The following OXR1 variants were observed in gnomAD, a reference collection of about 807,000 sequenced individuals.
OXR1 encodes the protein oxidation resistance protein 1.
A neutral mutation model predicts 104.6 loss-of-function variants in OXR1; 41 were observed. The observed-to-expected ratio is 0.39, with a 90% CI of 0.31 to 0.51. The LOEUF (loss-of-function observed/expected upper bound fraction) is 0.51. OXR1 is among the 20% of genes least tolerant of loss of function. OXR1 has a pLI of 0.77. For missense variants in OXR1, 955 were observed against 1,031.9 expected (o/e 0.93, Z 1.02); for synonymous variants, 348 against 348.4 (o/e 1.00, Z 0.01).
At chr8:106,562,363 G>A (rs1373032171) in intron 3 of OXR1, among the ~76,000 whole-genome samples, 1 of 151,952 alleles carries the variant, frequency 6.6e-6, no homozygotes, top group East Asian at 1.9e-4. Context: ...GCTGAAGAAA[G>A]GATATCAGAG....
Position 106,751,129 on chromosome 8 carries a change from T to C in OXR1, c.*188T>C, listed in dbSNP as rs1473066370. 1.2e-5 allele frequency: 6 copies of C among 480,332 alleles called. No homozygotes were observed. The highest frequency in any genetic ancestry group is 2.2e-5 in the Non-Finnish European group (6 of 278,048). The allele number at this position is 480,332 out of a possible 1,614,324, so 29.8% of individuals were successfully genotyped here. A position where few individuals can be genotyped will look rare whatever the true frequency, so the allele number is the denominator to read the frequency against. On this transcript the variant is annotated 3_prime_UTR_variant, in exon 17 of 17. Transcript: ENST00000517566. ...ATCATGTTCTTGTCCCAGAGTTCTT[T>C]AGGTTAACACTAGGGACTGCGTCCA...
chr8:106,376,623 T>G (rs971448676), intron 2 of OXR1, among the ~76,000 whole-genome samples: 11 of 152,248 alleles, frequency 7.2e-5, no homozygotes, highest in Non-Finnish European at 2.9e-5. Flanking sequence ...GTTATTAAAA[T>G]GGACATTCTT....
intron 1 of OXR1, among the ~76,000 whole-genome samples, chr8:106,327,395 T>A (rs965068510): frequency 6.6e-6 from 1 of 152,232 alleles, no homozygotes; most frequent in Admixed American, 6.5e-5. Context: ...TTTCTGTCCT[T>A]AATTCTAGCA....
intron 3 of OXR1, among the ~76,000 whole-genome samples, chr8:106,615,606 T>TC (rs1359801370): frequency 3.1e-5 from 2 of 65,304 alleles, no homozygotes; most frequent in Non-Finnish European, 5.3e-5. Context: ...AGAATCTGTC[T>TC]CAAAAAAAAA....
Position 106,598,780 on chromosome 8 carries a change from T to C in OXR1, c.220+79641T>C, listed in dbSNP as rs990891397. Among the ~76,000 whole-genome samples, 6 of 152,212 alleles carry C rather than the reference T, an allele frequency of 3.9e-5. No individual in the cohort carries two copies. In the East Asian group the frequency reaches 1.2e-3, roughly 29 times the overall value. ...GAATACATTCAGGATGAAATTTTAG[T>C]GTAAACTTCACCATTGAACAATATC... On this transcript the variant is annotated intron_variant, in intron 3 of 16. Coordinates refer to ENST00000517566, the MANE Select transcript of OXR1 (RefSeq NM_001198533.2).
intron 2 of OXR1, among the ~76,000 whole-genome samples, chr8:106,489,199 G>C (rs1354519230): frequency 6.6e-6 from 1 of 151,156 alleles, no homozygotes; most frequent in Non-Finnish European, 1.5e-5. Flanking sequence ...GTGAATGGGA[G>C]TTCACTCATG....
At chr8:106,356,845 C>A (rs1815994614) in intron 1 of OXR1, among the ~76,000 whole-genome samples, 1 of 152,032 alleles carries the variant, frequency 6.6e-6, no homozygotes, top group Admixed American at 6.6e-5. Flanking sequence ...TAGTAAGTTG[C>A]AGTAATGACC....
At chr8:106,400,904 A>C (rs1309266101) in intron 2 of OXR1, among the ~76,000 whole-genome samples, 1 of 152,202 alleles carries the variant, frequency 6.6e-6, no homozygotes, top group Non-Finnish European at 1.5e-5. Context: ...TAATTTAGTC[A>C]ACATGGTTTA....
intron 1 of OXR1, among the ~76,000 whole-genome samples, chr8:106,303,180 C>A (rs59777127): frequency 0.22 from 33,151 of 150,348 alleles, 5,408 homozygotes; most frequent in African/African-American, 0.46. Flanking sequence ...GCATGCATTT[C>A]ACATACATAC....
At chr8:106,362,845 A>G (rs1022289016) in intron 2 of OXR1, among the ~76,000 whole-genome samples, 3 of 152,240 alleles carry the variant, frequency 2.0e-5, no homozygotes, top group African/African-American at 7.2e-5. Context: ...GTACAGTAAC[A>G]CTAAAATAGT....
chr8:106,480,281 A>G (rs568768171), intron 2 of OXR1, among the ~76,000 whole-genome samples: 11 of 152,076 alleles, frequency 7.2e-5, no homozygotes, highest in Non-Finnish European at 1.5e-4. Context: ...GCATTGTGAT[A>G]TTTGTCCAAT....
chr8:106,582,190 A>G (rs1207160965), intron 3 of OXR1, among the ~76,000 whole-genome samples: 1 of 144,352 alleles, frequency 6.9e-6, no homozygotes, highest in African/African-American at 2.6e-5. Context: ...ATATATATAT[A>G]TATATATATA....
intron 2 of OXR1, among the ~76,000 whole-genome samples, chr8:106,391,694 T>A (rs1563751406): frequency 1.3e-5 from 2 of 152,224 alleles, no homozygotes; most frequent in African/African-American, 4.8e-5. Context: ...GAATTTTTTT[T>A]AAATCTTAGC....
At chr8:106,462,605 A>G (rs571241377) in intron 2 of OXR1, among the ~76,000 whole-genome samples, 1 of 152,282 alleles carries the variant, frequency 6.6e-6, no homozygotes, top group Non-Finnish European at 1.5e-5. Flanking sequence ...CAGCATCATC[A>G]TTTATTTTGT....
At chr8:106,321,100 CA>C (rs1294904721) in intron 1 of OXR1, among the ~76,000 whole-genome samples, 1 of 152,134 alleles carries the variant, frequency 6.6e-6, no homozygotes, top group Non-Finnish European at 1.5e-5. Context: ...AAATGTTTTT[CA>C]AATCTATTAT....
At chr8:106,700,719 C>T (rs1002425466) in intron 7 of OXR1, among the ~76,000 whole-genome samples, 1 of 152,154 alleles carries the variant, frequency 6.6e-6, no homozygotes. Context: ...TTCTGTCATA[C>T]ATAGCTAGTT....
chr8:106,686,233 C>G (rs917248414), intron 6 of OXR1, among the ~76,000 whole-genome samples: 1 of 150,544 alleles, frequency 6.6e-6, no homozygotes, highest in African/African-American at 2.5e-5. Flanking sequence ...AAAGAACTTA[C>G]TCCTGTAACC....
At chr8:106,378,500 T>TTTGTTG (rs371137128) in intron 2 of OXR1, among the ~76,000 whole-genome samples, 5 of 152,168 alleles carry the variant, frequency 3.3e-5, no homozygotes, top group African/African-American at 9.6e-5. Context: ...ACATCTGACT[T>TTTGTTG]TTGTTGTTGT....
chr8:106,611,643 G>A (rs1314836659), intron 3 of OXR1, among the ~76,000 whole-genome samples: 3 of 152,128 alleles, frequency 2.0e-5, no homozygotes, highest in East Asian at 1.9e-4. Context: ...AATTGGCAGC[G>A]CTTGTCAGAG....
Sources: gnomAD v4.1 joint callset for allele counts (sites outside exome capture counted in the v4.1 genomes callset) on GRCh38, gnomAD v4.1.1 for gene constraint, MANE v1.5 for transcripts, NCBI Gene and HGNC (gene_info 2026-07-23, HGNC 2026-07-21) for gene names.